Variants in BBX observed in about 807,000 individuals in gnomAD.
BBX encodes the protein HMG box transcription factor BBX.
BBX carries 30 observed loss-of-function variants against 100.2 expected under a neutral mutation model. That is an observed-to-expected ratio of 0.30 (90% CI 0.22 to 0.41). The LOEUF (loss-of-function observed/expected upper bound fraction) is 0.41. Among genes scored for constraint, BBX ranks in the 10% least tolerant of loss-of-function variants. The pLI, the probability that BBX is intolerant of heterozygous loss-of-function variation, is 1.00. For synonymous variants in BBX, 376 were observed against 388.1 expected (o/e 0.97, Z 0.37); for missense variants, 1,023 against 1,129.8 (o/e 0.91, Z 1.35).
intron 12 of BBX, 100 bp from the exon 13 acceptor site, chr3:107,778,271 G>T: frequency 7.1e-7 from 1 of 1,413,966 alleles, no homozygotes; most frequent in South Asian, 1.3e-5. Context: ...AATTCCCAGA[G>T]ACCCTGTTTT....
At chr3:107,630,546 C>T (rs1050265740) in intron 2 of BBX, among the ~76,000 whole-genome samples, 1 of 152,128 alleles carries the variant, frequency 6.6e-6, no homozygotes, top group African/African-American at 2.4e-5. Flanking sequence ...GTGAGTTTGC[C>T]ATTTCTGTTG....
At chr3:107,805,249 G>T in intron 17 of BBX, 121 bp from the exon 18 acceptor site, 2 of 1,097,300 alleles carry the variant, frequency 1.8e-6, no homozygotes, top group Non-Finnish European at 2.6e-6. Flanking sequence ...TTCATTAAAT[G>T]ATGTAAGTAA....
intron 2 of BBX, among the ~76,000 whole-genome samples, chr3:107,629,306 A>G (rs559101572): frequency 1.3e-5 from 2 of 152,336 alleles, no homozygotes; most frequent in South Asian, 2.1e-4. Context: ...CTTGAAACCT[A>G]TCCAGGGTCC....
At chr3:107,553,670 A>G (rs180904243) in intron 2 of BBX, among the ~76,000 whole-genome samples, 2 of 152,338 alleles carry the variant, frequency 1.3e-5, no homozygotes, top group African/African-American at 4.8e-5. Context: ...TGTATCATTC[A>G]CTAAAGAGGA....
At chr3:107,565,487 T>TG in intron 2 of BBX, among the ~76,000 whole-genome samples, 2 of 61,848 alleles carry the variant, frequency 3.2e-5, no homozygotes, top group Non-Finnish European at 7.8e-5. Flanking sequence ...TTATGTATGT[T>TG]TGAGACGGAG....
chr3:107,693,472 T>G (rs1458963992), intron 3 of BBX, among the ~76,000 whole-genome samples: 5 of 151,366 alleles, frequency 3.3e-5, no homozygotes, highest in Non-Finnish European at 7.4e-5. Flanking sequence ...TCCCCATTGC[T>G]TGTTTTTCTC....
chr3:107,655,725 G>T (rs1482261466), intron 3 of BBX, among the ~76,000 whole-genome samples: 4 of 150,436 alleles, frequency 2.7e-5, no homozygotes, highest in Admixed American at 6.6e-5. Context: ...TTTTGAGACG[G>T]AGTCTTGCTC....
intron 7 of BBX, among the ~76,000 whole-genome samples, chr3:107,737,611 T>A (rs1379885019): frequency 6.6e-6 from 1 of 152,140 alleles, no homozygotes; most frequent in Non-Finnish European, 1.5e-5. Context: ...GACAAGTGTT[T>A]ATTGAATGCC....
At chr3:107,537,078 A>G (rs2048548857) in intron 2 of BBX, among the ~76,000 whole-genome samples, 1 of 152,244 alleles carries the variant, frequency 6.6e-6, no homozygotes, top group African/African-American at 2.4e-5. Flanking sequence ...ACTTCTAACA[A>G]TAATTTCATT....
At chr3:107,581,283 T>C (rs146084876) in intron 2 of BBX, among the ~76,000 whole-genome samples, 2 of 152,176 alleles carry the variant, frequency 1.3e-5, no homozygotes, top group Admixed American at 6.6e-5. Flanking sequence ...GTTGGCAGTG[T>C]AGGGTGGATA....
chr3:107,532,323 C>T (rs1270065130), intron 2 of BBX, among the ~76,000 whole-genome samples: 1 of 152,090 alleles, frequency 6.6e-6, no homozygotes, highest in Non-Finnish European at 1.5e-5. Context: ...AAAGCCACTC[C>T]TTTTTTAAAA....
At chr3:107,571,674 C>A (rs754237704) in intron 2 of BBX, among the ~76,000 whole-genome samples, 1 of 152,194 alleles carries the variant, frequency 6.6e-6, no homozygotes, top group Non-Finnish European at 1.5e-5. Context: ...ACTGGTCTCC[C>A]GAAGGAGTCC....
intron 2 of BBX, among the ~76,000 whole-genome samples, chr3:107,560,318 A>G (rs373333039): frequency 6.6e-6 from 1 of 152,180 alleles, no homozygotes. Context: ...TTTCCAAAAA[A>G]AAAGTAATTA....
chr3:107,536,800 A>G (rs2048523873), intron 2 of BBX, among the ~76,000 whole-genome samples: 1 of 152,156 alleles, frequency 6.6e-6, no homozygotes, highest in Admixed American at 6.5e-5. Flanking sequence ...TGAATATGGA[A>G]CAACCCTTGT....
intron 2 of BBX, among the ~76,000 whole-genome samples, chr3:107,640,978 C>T (rs180844441): frequency 1.3e-5 from 2 of 152,114 alleles, no homozygotes; most frequent in African/African-American, 4.8e-5. Flanking sequence ...ATAGTTTTTG[C>T]AGTGTTAATG....
chr3:107,542,619 T>C (rs662291), intron 2 of BBX, among the ~76,000 whole-genome samples: 118,279 of 152,104 alleles, frequency 0.78, 47,423 homozygotes, highest in Middle Eastern at 0.84. Flanking sequence ...ATTTAGTGTT[T>C]CCACCCTCTT....
At chr3:107,617,469 T>C (rs900640253) in intron 2 of BBX, among the ~76,000 whole-genome samples, 2 of 152,130 alleles carry the variant, frequency 1.3e-5, no homozygotes, top group African/African-American at 2.4e-5. Context: ...TTGGAGAGAA[T>C]TGCCATCTTC....
chr3:107,649,205 C>T (rs1396884727), intron 3 of BBX, among the ~76,000 whole-genome samples: 1 of 152,154 alleles, frequency 6.6e-6, no homozygotes, highest in Non-Finnish European at 1.5e-5. Context: ...ATTCAGTTAC[C>T]TCCCACCAGG....
At chr3:107,785,862 T>C (rs2068367397) in intron 13 of BBX, among the ~76,000 whole-genome samples, 1 of 152,002 alleles carries the variant, frequency 6.6e-6, no homozygotes, top group Non-Finnish European at 1.5e-5. Context: ...AAAAGGTGTC[T>C]AGATTAGAAA....
Sources: gnomAD v4.1 joint callset for allele counts (sites outside exome capture counted in the v4.1 genomes callset) on GRCh38, gnomAD v4.1.1 for gene constraint, MANE v1.5 for transcripts, NCBI Gene and HGNC (gene_info 2026-07-23, HGNC 2026-07-21) for gene names.